Variants in SCHIP1 observed in about 807,000 individuals in gnomAD.
SCHIP1 encodes the protein schwannomin-interacting protein 1.
Under a neutral mutation model 29.7 loss-of-function variants are expected in SCHIP1, and 8 were observed. That is an observed-to-expected ratio of 0.27 (90% confidence interval 0.16 to 0.49). SCHIP1 has a LOEUF of 0.49. Among genes scored for constraint, SCHIP1 ranks in the 20% least tolerant of loss-of-function variants. SCHIP1 has a pLI of 0.99. For missense variants in SCHIP1, 193 were observed against 294.6 expected, an observed-to-expected ratio of 0.66 and a Z score of 2.52; for synonymous variants, 76 against 94.9, an observed-to-expected ratio of 0.80 and a Z score of 1.16.
the SCHIP1 span, among the ~76,000 whole-genome samples, chr3:159,284,482 T>C: frequency 6.6e-6 from 1 of 152,110 alleles, no homozygotes. Flanking sequence ...GCCTGTTAAC[T>C]TTAGGTGTTT....
the SCHIP1 span, among the ~76,000 whole-genome samples, chr3:159,591,340 C>T: frequency 2.0e-5 from 3 of 152,108 alleles, no homozygotes; most frequent in African/African-American, 7.2e-5. Flanking sequence ...TTAGTTCAGC[C>T]ATTGTGGAAT....
At chr3:159,573,166 G>A in the SCHIP1 span, among the ~76,000 whole-genome samples, 1 of 152,148 alleles carries the variant, frequency 6.6e-6, no homozygotes, top group African/African-American at 2.4e-5. Flanking sequence ...GATGTTAGCT[G>A]ATTATTTTGC....
the SCHIP1 span, among the ~76,000 whole-genome samples, chr3:159,783,173 T>C: frequency 2.6e-5 from 4 of 152,368 alleles, no homozygotes; most frequent in African/African-American, 9.6e-5. Flanking sequence ...CCAAGTGGTC[T>C]ATTTATTTTG....
the SCHIP1 span, among the ~76,000 whole-genome samples, chr3:159,543,437 A>G: frequency 7.5e-6 from 1 of 134,084 alleles, no homozygotes; most frequent in Non-Finnish European, 1.5e-5. Context: ...CTCATTGTTC[A>G]ATTCCCACCT....
At chr3:159,365,025 A>G in the SCHIP1 span, among the ~76,000 whole-genome samples, 2 of 152,178 alleles carry the variant, frequency 1.3e-5, no homozygotes, top group Non-Finnish European at 2.9e-5. Context: ...TCCTCCACAC[A>G]CTAGCTCTTA....
chr3:159,604,823 T>C, the SCHIP1 span, among the ~76,000 whole-genome samples: 5 of 152,206 alleles, frequency 3.3e-5, no homozygotes, highest in South Asian at 2.1e-4. Flanking sequence ...GTTTTTACAT[T>C]TAAAATGTTT....
chr3:159,573,580 A>G, the SCHIP1 span, among the ~76,000 whole-genome samples: 1 of 152,132 alleles, frequency 6.6e-6, no homozygotes, highest in Admixed American at 6.5e-5. Context: ...TCTGAAGATT[A>G]TGTGTCTTGG....
chr3:159,588,751 G>A, the SCHIP1 span, among the ~76,000 whole-genome samples: 1 of 152,086 alleles, frequency 6.6e-6, no homozygotes, highest in African/African-American at 2.4e-5. Context: ...TTTTTGTCAG[G>A]TTTGTCAAAG....
chr3:159,423,349 C>T, the SCHIP1 span, among the ~76,000 whole-genome samples: 1 of 152,238 alleles, frequency 6.6e-6, no homozygotes, highest in Non-Finnish European at 1.5e-5. Flanking sequence ...GGGTCACTCC[C>T]ACCTGAATAC....
the SCHIP1 span, among the ~76,000 whole-genome samples, chr3:159,588,903 T>A: frequency 6.6e-6 from 1 of 152,226 alleles, no homozygotes; most frequent in African/African-American, 2.4e-5. Flanking sequence ...GCGTGATGCC[T>A]CCAGCTTTGT....
At chr3:159,822,114 G>A in the SCHIP1 span, among the ~76,000 whole-genome samples, 28 of 152,340 alleles carry the variant, frequency 1.8e-4, 1 homozygote, top group African/African-American at 6.7e-4. Flanking sequence ...AACTGAAATG[G>A]CAGATAAGGG....
chr3:159,613,273 A>G, the SCHIP1 span, among the ~76,000 whole-genome samples: 4 of 152,318 alleles, frequency 2.6e-5, no homozygotes, highest in East Asian at 7.7e-4. Context: ...TAAGTCCTCA[A>G]AATCTGATTT....
At chr3:159,273,874 C>T in the SCHIP1 span, 1 of 1,613,442 alleles carries the variant, frequency 6.2e-7, no homozygotes, top group Non-Finnish European at 8.5e-7. Flanking sequence ...AGGGCAAGCA[C>T]TCTGACAGTG....
the SCHIP1 span, among the ~76,000 whole-genome samples, chr3:159,550,089 A>T: frequency 1.3e-5 from 2 of 151,874 alleles, no homozygotes; most frequent in African/African-American, 2.4e-5. Flanking sequence ...AAAATTAATT[A>T]TCTTAAGATA....
At chr3:159,686,954 T>G in the SCHIP1 span, among the ~76,000 whole-genome samples, 16 of 152,294 alleles carry the variant, frequency 1.1e-4, no homozygotes, top group African/African-American at 3.8e-4. Context: ...CTTTCGTTCT[T>G]AGGCATTTAT....
the SCHIP1 span, among the ~76,000 whole-genome samples, chr3:159,827,239 C>T: frequency 1.4e-4 from 22 of 152,254 alleles, no homozygotes; most frequent in African/African-American, 2.9e-4. Flanking sequence ...CTGCTTAACT[C>T]GCCCTAGAAA....
chr3:159,502,697 T>C, the SCHIP1 span, among the ~76,000 whole-genome samples: 1 of 147,784 alleles, frequency 6.8e-6, no homozygotes, highest in African/African-American at 2.5e-5. Flanking sequence ...CCTGTGTCCA[T>C]GTGTTCTCAT....
At chr3:159,536,198 T>C in the SCHIP1 span, among the ~76,000 whole-genome samples, 3 of 152,192 alleles carry the variant, frequency 2.0e-5, no homozygotes, top group African/African-American at 7.2e-5. Context: ...TAGCAAGTTT[T>C]TCACAGAGTT....
At chr3:159,682,197 C>G in the SCHIP1 span, among the ~76,000 whole-genome samples, 1 of 152,166 alleles carries the variant, frequency 6.6e-6, no homozygotes, top group African/African-American at 2.4e-5. Flanking sequence ...AATGAGATAA[C>G]ATATTTAGAA....
Sources: allele counts gnomAD v4.1 joint callset (sites outside exome capture counted in the v4.1 genomes callset), GRCh38; gene constraint gnomAD v4.1.1; transcripts MANE v1.5; gene names NCBI Gene and HGNC (gene_info 2026-07-23, HGNC 2026-07-21).